TMEM229B: variants seen among roughly 807,000 people sequenced by gnomAD.
TMEM229B encodes the protein chromosome 14 open reading frame 83.
A neutral mutation model predicts 13.7 loss-of-function variants in TMEM229B; 6 were observed. That is an observed-to-expected ratio of 0.44 (90% CI 0.24 to 0.86). The LOEUF is 0.86. Among genes scored for constraint, TMEM229B ranks in the 40% least tolerant of loss-of-function variants. TMEM229B has a pLI of 0.23. For synonymous variants in TMEM229B, 107 were observed against 102.1 expected (o/e 1.05, Z -0.29); for missense variants, 170 against 236.0 (o/e 0.72, Z 1.83).
intron 1 of TMEM229B, among the ~76,000 whole-genome samples, chr14:67,504,890 CAAAACAAAACAAAAACA>C: frequency 6.6e-6 from 1 of 151,684 alleles, no homozygotes; most frequent in Non-Finnish European, 1.5e-5. Flanking sequence ...CCGTCTCAAA[CAAAACAAAACAAAAACA>C]AAAACAAAAA....
At chr14:67,477,292 T>G (rs543345751) in intron 2 of TMEM229B, among the ~76,000 whole-genome samples, 32 of 152,344 alleles carry the variant, frequency 2.1e-4, no homozygotes, top group African/African-American at 7.2e-4. Flanking sequence ...TTCCTCACAA[T>G]CCAGCTCTTC....
upstream of TMEM229B, among the ~76,000 whole-genome samples, chr14:67,491,594 G>A (rs1193673516): frequency 1.3e-5 from 2 of 152,154 alleles, no homozygotes; most frequent in Admixed American, 6.5e-5. Context: ...GACAAAGACC[G>A]AATACATTTC....
At position 67,473,543 on chromosome 14, in the gene TMEM229B, C is replaced by G. The variant is rs747901757; in HGVS notation, c.381G>C (p.Gly127=). 3.1e-6 allele frequency: 5 copies of G among 1,613,978 alleles called. No individual in the cohort carries two copies. The highest frequency in any genetic ancestry group is 3.3e-4 in the Middle Eastern group (2 of 6,062). The change falls in exon 3 of 3, where the codon GGG becomes GGC. Residue 127 remains glycine, a synonymous_variant. Transcript: ENST00000554480. The surrounding 1 kb of genome is among the most constrained non-coding windows in gnomAD (Gnocchi z 6.5). ...TLEYAVPWFC[G]ALIMEQFIIR... ...TGATGAACTGCTCCATGATGAGGGC[C>G]CCGCAGAACCAGGGCACGGCGTACT...
At chr14:67,490,893 G>C (rs777581355), upstream of TMEM229B, among the ~76,000 whole-genome samples, 1 of 152,146 alleles carries the variant, frequency 6.6e-6, no homozygotes, top group African/African-American at 2.4e-5. Context: ...TGGGGTGGGC[G>C]TGGAGGGGGG....
chr14:67,479,529 C>T (rs1017838127), intron 2 of TMEM229B, among the ~76,000 whole-genome samples: 1 of 151,538 alleles, frequency 6.6e-6, no homozygotes, highest in Non-Finnish European at 1.5e-5. Flanking sequence ...ACCAGCCTGG[C>T]CAACATGGTG....
chr14:67,486,332 T>C (rs1428220641), intron 2 of TMEM229B, among the ~76,000 whole-genome samples: 1 of 152,256 alleles, frequency 6.6e-6, no homozygotes, highest in East Asian at 1.9e-4. Flanking sequence ...TGGGGTGCAA[T>C]GGCACGATCT....
At chr14:67,485,058 C>T (rs1398437837) in intron 2 of TMEM229B, among the ~76,000 whole-genome samples, 1 of 152,218 alleles carries the variant, frequency 6.6e-6, no homozygotes, top group African/African-American at 2.4e-5. Flanking sequence ...ACGAGAATTA[C>T]CTTTAATGCC....
intron 1 of TMEM229B, among the ~76,000 whole-genome samples, chr14:67,494,532 G>A (rs949586383): frequency 1.4e-4 from 21 of 152,182 alleles, no homozygotes; most frequent in African/African-American, 4.8e-4. Context: ...TGAATTGGTG[G>A]TTATTGAATC....
intron 1 of TMEM229B, among the ~76,000 whole-genome samples, 199 bp downstream of exon 1, chr14:67,488,309 C>T (rs756302855): frequency 3.3e-5 from 5 of 152,224 alleles, no homozygotes; most frequent in Admixed American, 6.5e-5. Context: ...GCCAGGCAGC[C>T]GAGGAGAAGT....
At chr14:67,500,777 T>C (rs2032577063) in intron 1 of TMEM229B, among the ~76,000 whole-genome samples, 1 of 151,802 alleles carries the variant, frequency 6.6e-6, no homozygotes, top group Admixed American at 6.6e-5. Flanking sequence ...TTCACCGTGT[T>C]AGCCAGGATG....
rs1421381321 is a variant in TMEM229B, at chr14:67,471,164, G to T, written c.*2256C>A. 6.6e-6 allele frequency: 1 copy of T among 152,348 alleles called. No individual in the cohort carries two copies. The highest frequency in any genetic ancestry group is 2.1e-4 in the South Asian group (1 of 4,828). The allele number at this position is 152,348 out of a possible 1,614,324, so 9.4% of individuals were successfully genotyped here. On this transcript the variant is annotated 3_prime_UTR_variant, in exon 3 of 3. Transcript: ENST00000554480. ...CACAGGCATACCCCCAGGACCTCCT[G>T]CACTTGGGAAAGTATAGGACCCAGA...
At chr14:67,508,135 CA>C (rs34715322) in intron 1 of TMEM229B, among the ~76,000 whole-genome samples, 61 of 130,576 alleles carry the variant, frequency 4.7e-4, no homozygotes, top group African/African-American at 7.8e-4. Flanking sequence ...AACTCCATCT[CA>C]AAAAAAAAAA....
chr14:67,525,000 G>C (rs2033345851), intron 1 of TMEM229B, among the ~76,000 whole-genome samples: 1 of 152,158 alleles, frequency 6.6e-6, no homozygotes, highest in Non-Finnish European at 1.5e-5. Context: ...GCTTTATTGA[G>C]TTAGATGTCA....
chr14:67,487,854 T>C (rs1236444166), intron 1 of TMEM229B, among the ~76,000 whole-genome samples: 1 of 151,650 alleles, frequency 6.6e-6, no homozygotes, highest in Non-Finnish European at 1.5e-5. Context: ...GGTCTCAAGC[T>C]CTTGGCCAAC....
At chr14:67,499,106 A>T (rs1417138875) in intron 1 of TMEM229B, among the ~76,000 whole-genome samples, 1 of 152,062 alleles carries the variant, frequency 6.6e-6, no homozygotes, top group Non-Finnish European at 1.5e-5. Flanking sequence ...GGGTTCAAGC[A>T]ATCTTCCTGC....
chr14:67,515,462 T>C (rs1358657474), upstream of TMEM229B: 3 of 169,104 alleles, frequency 1.8e-5, no homozygotes, highest in Non-Finnish European at 3.7e-5. Context: ...ACGGATGCGC[T>C]GCAAACTGCA....
intron 2 of TMEM229B, among the ~76,000 whole-genome samples, chr14:67,485,565 T>C (rs1020888002): frequency 1.3e-5 from 2 of 152,196 alleles, no homozygotes; most frequent in Admixed American, 6.5e-5. Context: ...TGTTCAAGAT[T>C]GCAAAAGCCC....
chr14:67,499,410 T>C (rs1452851217), intron 1 of TMEM229B, among the ~76,000 whole-genome samples: 1 of 152,198 alleles, frequency 6.6e-6, no homozygotes, highest in Non-Finnish European at 1.5e-5. Context: ...ATTTCCCTGA[T>C]TAATTCAAAT....
upstream of TMEM229B, among the ~76,000 whole-genome samples, chr14:67,493,451 AC>A (rs1387019337): frequency 1.3e-5 from 2 of 151,966 alleles, no homozygotes; most frequent in East Asian, 3.8e-4. Context: ...AGGGATAAAA[AC>A]CCCTGCTCTC....
Sources: gnomAD v4.1 joint callset for allele counts (sites outside exome capture counted in the v4.1 genomes callset) on GRCh38, gnomAD v4.1.1 for gene constraint, Gnocchi (gnomAD v3.1) non-coding constraint, MANE v1.5 for transcripts, NCBI Gene and HGNC (gene_info 2026-07-23, HGNC 2026-07-21) for gene names.